The following UPF2 variants were observed in gnomAD, a reference collection of about 807,000 sequenced individuals.
The protein encoded by UPF2 is UPF2 regulator of nonsense mediated mRNA decay.
UPF2 carries 17 observed loss-of-function variants against 141.4 expected under a neutral mutation model. The observed-to-expected ratio is 0.12, with a 90% CI of 0.08 to 0.18. The LOEUF (loss-of-function observed/expected upper bound fraction) is 0.18. Ranked by LOEUF, UPF2 falls within the 10% of genes least tolerant of loss-of-function variation. UPF2 has a pLI of 1.00. For missense variants in UPF2, 1,152 were observed against 1,515.9 expected (o/e 0.76, Z 3.99); for synonymous variants, 540 against 498.0 (o/e 1.08, Z -1.12).
intron 20 of UPF2, among the ~76,000 whole-genome samples, chr10:11,930,558 C>G (rs1172821635): frequency 6.6e-6 from 1 of 152,150 alleles, no homozygotes; most frequent in African/African-American, 2.4e-5. Flanking sequence ...GGGAGGACTG[C>G]TCAAGCTCAG....
chr10:12,011,563 C>T (rs975829860), intron 4 of UPF2, among the ~76,000 whole-genome samples: 3 of 151,974 alleles, frequency 2.0e-5, no homozygotes, highest in African/African-American at 4.8e-5. Flanking sequence ...ACTGCACCAT[C>T]GCATTCCAGC....
chr10:11,956,210 T>C lies in UPF2; in HGVS notation c.2574+110A>G. The C allele has an allele frequency of 9.7e-7, 1 of 1,028,032 alleles. No individual in the cohort carries two copies. Among genetic ancestry groups the C allele is most frequent in the Non-Finnish European group, 1.4e-6 (1 of 694,296 alleles). 63.7% of individuals were successfully genotyped at this position (1,028,032 alleles called of 1,614,324 possible). A position where few individuals can be genotyped will look rare whatever the true frequency, so the allele number is the denominator to read the frequency against. ...TCTTATAAAATGATTATCAGCTTTT[T>C]CTAACTAATAAATTTACAGATTCCT... On this transcript the variant is annotated intron_variant, in intron 13 of 21. Transcript: ENST00000357604. This position sits in a 1 kb window ranked among gnomAD's most constrained non-coding sequence, Gnocchi z 4.2.
intron 16 of UPF2, 122 bp from the exon 17 acceptor site, chr10:11,943,290 A>C (rs1438039485): frequency 1.1e-6 from 1 of 880,140 alleles, no homozygotes; most frequent in Non-Finnish European, 1.7e-6. Flanking sequence ...TTAGCTCTTT[A>C]GGTAGTTGGT....
intron 9 of UPF2, among the ~76,000 whole-genome samples, chr10:11,978,160 C>T (rs1833536693): frequency 6.6e-6 from 1 of 152,188 alleles, no homozygotes; most frequent in African/African-American, 2.4e-5. Flanking sequence ...GAGTTCCTGA[C>T]CTCAGAATTG....
chr10:11,951,099 G>A (rs933936106), intron 15 of UPF2, among the ~76,000 whole-genome samples: 4 of 152,044 alleles, frequency 2.6e-5, no homozygotes, highest in African/African-American at 7.2e-5. Context: ...TTTCGCTCTT[G>A]TTACCCAGGC....
In UPF2 at chr10:11,956,262, G is replaced by A; in HGVS notation, c.2574+58C>T. 1.3e-6 allele frequency: 2 copies of A among 1,517,478 alleles called. No individual in the cohort carries two copies. Among genetic ancestry groups the A allele is most frequent in the Non-Finnish European group, 1.8e-6 (2 of 1,094,724 alleles). 94.0% of individuals were successfully genotyped at this position (1,517,478 alleles called of 1,614,324 possible). A position where few individuals can be genotyped will look rare whatever the true frequency, so the allele number is the denominator to read the frequency against. Reference sequence around the variant, plus strand: ...TAACTTGAGTCTCAATAGTAACCTAGAAATAATAAATTCTCCACGAATTCC... The same window carrying A: ...TAACTTGAGTCTCAATAGTAACCTAAAAATAATAAATTCTCCACGAATTCC... On this transcript the variant is annotated intron_variant, in intron 13 of 21. Coordinates refer to ENST00000357604, the MANE Select transcript of UPF2 (RefSeq NM_015542.4). This position sits in a 1 kb window ranked among gnomAD's most constrained non-coding sequence, Gnocchi z 4.2.
rs546979212 is a variant in UPF2, at chr10:11,931,879, G to C, written c.3547-97C>G. ...AAAATAGCAAGTACAGGCTGGGCACGGTGGCTCACGCCTGTAATCCCAGCA... is the reference window on the plus strand; with the variant it reads ...AAAATAGCAAGTACAGGCTGGGCACCGTGGCTCACGCCTGTAATCCCAGCA... On this transcript the variant is annotated intron_variant, in intron 19 of 21. Transcript: ENST00000357604. The surrounding 1 kb of genome is among the most constrained non-coding windows in gnomAD (Gnocchi z 5.9). 1.9e-5 allele frequency: 26 copies of C among 1,361,384 alleles called. No homozygotes were observed. In the African/African-American group the frequency reaches 3.5e-4, roughly 19 times the overall value. 84.3% of individuals were successfully genotyped at this position (1,361,384 alleles called of 1,614,324 possible). A position where few individuals can be genotyped will look rare whatever the true frequency, so the allele number is the denominator to read the frequency against.
chr10:11,975,940 T>C (rs750532272), intron 9 of UPF2, among the ~76,000 whole-genome samples: 1 of 152,234 alleles, frequency 6.6e-6, no homozygotes, highest in Admixed American at 6.5e-5. Flanking sequence ...ATTAGAGTCA[T>C]ACTGTGAATC....
In UPF2 at chr10:11,972,054, ACT is replaced by A. The variant is rs1346588447; in HGVS notation, c.1954-4602_1954-4601del. ...ACTCTGGCCCGGATAACAGAGCAAG[ACT>A]CTGTCTCAAAAAAAAAAAAAAAAAA... On this transcript the variant is annotated intron_variant, in intron 9 of 21. Transcript: ENST00000357604. 4.5e-5 allele frequency among the ~76,000 whole-genome samples: 6 copies of A among 132,654 alleles called. No individual in the cohort carries two copies. In the Admixed American group the frequency reaches 5.1e-4, roughly 11 times the overall value. The allele number at this position is 132,654 out of a possible 152,430, so 87.0% of individuals were successfully genotyped here. A position where few individuals can be genotyped will look rare whatever the true frequency, so the allele number is the denominator to read the frequency against.
chr10:12,037,347 G>C (rs1182634772), intron 1 of UPF2, among the ~76,000 whole-genome samples: 2 of 151,630 alleles, frequency 1.3e-5, no homozygotes, highest in African/African-American at 2.4e-5. Context: ...CTCCCAAAGT[G>C]CTGGGATTAC....
At chr10:11,967,768 T>G (rs973153038) in intron 9 of UPF2, among the ~76,000 whole-genome samples, 3 of 152,134 alleles carry the variant, frequency 2.0e-5, no homozygotes, top group Admixed American at 6.5e-5. Flanking sequence ...TTGGCCAGGC[T>G]GGTCCCCAAC....
chr10:12,034,680 C>CT (rs1834590276), intron 2 of UPF2, among the ~76,000 whole-genome samples: 1 of 152,004 alleles, frequency 6.6e-6, no homozygotes, highest in South Asian at 2.1e-4. Context: ...TGGCAGGTGC[C>CT]TGTAATCCCA....
intron 3 of UPF2, among the ~76,000 whole-genome samples, chr10:12,021,499 G>A (rs1386739839): frequency 1.3e-5 from 2 of 152,080 alleles, no homozygotes; most frequent in South Asian, 2.1e-4. Flanking sequence ...TCCAGCCTGG[G>A]TGACAGGGAA....
chr10:12,025,671 A>G (rs1231779628), intron 3 of UPF2, among the ~76,000 whole-genome samples: 2 of 152,212 alleles, frequency 1.3e-5, no homozygotes, highest in Non-Finnish European at 2.9e-5. Context: ...AATGGATAAA[A>G]GTTTCTAAGG....
intron 3 of UPF2, among the ~76,000 whole-genome samples, chr10:12,017,747 TTTA>T (rs1195420805): frequency 6.6e-6 from 1 of 152,182 alleles, no homozygotes; most frequent in Non-Finnish European, 1.5e-5. Flanking sequence ...CTCCCATTTT[TTTA>T]TTATTATTAT....
At position 11,942,747 on chromosome 10, in the gene UPF2, C is replaced by A. The variant is rs1436412189; in HGVS notation, c.3296G>T (p.Gly1099Val). ...DEENTEVMIKGGGLKHVPCVE... is the reference protein window; with the variant it reads ...DEENTEVMIKVGGLKHVPCVE... ...ACAAGGTACATGCTTAAGTCCACCG[C>A]CTTTAATCATTACCTCCTTATTAAA... is the stretch of plus-strand genomic sequence containing the variant. Residue 1099 changes from glycine (G) to valine (V), a missense_variant, in exon 18 of 22, where the codon GGC (glycine) becomes GTC (valine). Gly to Val is a moderately radical substitution (Grantham distance 109). This residue lies in a region of UPF2 where 202 missense variants were observed against 223.6 expected (regional missense o/e 0.90). Transcript: ENST00000357604. 6.2e-7 allele frequency: 1 copy of A among 1,613,708 alleles called. No homozygotes were observed. The highest frequency in any genetic ancestry group is 2.2e-5 in the East Asian group (1 of 44,864).
At chr10:11,978,862 C>T (rs1833549347) in intron 9 of UPF2, among the ~76,000 whole-genome samples, 195 bp downstream of exon 9, 1 of 152,194 alleles carries the variant, frequency 6.6e-6, no homozygotes, top group Non-Finnish European at 1.5e-5. Flanking sequence ...GCTCACCTCC[C>T]AACCAGAATA....
At chr10:11,937,409 G>A (rs1335200469) in intron 18 of UPF2, among the ~76,000 whole-genome samples, 1 of 152,154 alleles carries the variant, frequency 6.6e-6, no homozygotes, top group Non-Finnish European at 1.5e-5. Flanking sequence ...CAGCACCTGT[G>A]GAGGAGATGA....
At position 11,938,853 on chromosome 10, in the gene UPF2, GTTTTTT is replaced by G. The variant is rs58106776; in HGVS notation, c.3379-2147_3379-2142del. On this transcript the variant is annotated intron_variant, in intron 18 of 21. Coordinates refer to ENST00000357604, the MANE Select transcript of UPF2 (RefSeq NM_015542.4). ...GTGGTCTTAAGCAAGTTTTTTTTTT[GTTTTTT>G]TTTTTTTTTTTTTTTTTTTTTTTGG... Among the ~76,000 whole-genome samples the G allele has an allele frequency of 1.5e-3, 120 of 79,830 alleles. 2 individuals are homozygous for G. The highest frequency in any genetic ancestry group is 5.2e-3 in the African/African-American group (105 of 20,100). The allele number at this position is 79,830 out of a possible 152,430, so 52.4% of individuals were successfully genotyped here.
Sources: gnomAD v4.1 joint callset for allele counts (sites outside exome capture counted in the v4.1 genomes callset) on GRCh38, gnomAD v4.1.1 for gene constraint, gnomAD v4.1.1 regional missense constraint, Gnocchi (gnomAD v3.1) non-coding constraint, MANE v1.5 for transcripts, NCBI Gene and HGNC (gene_info 2026-07-23, HGNC 2026-07-21) for gene names.